The following MDGA2 variants were observed in gnomAD, a reference collection of about 807,000 sequenced individuals.
The protein encoded by MDGA2 is MAM domain containing glycosylphosphatidylinositol anchor 2.
MDGA2 carries 40 observed loss-of-function variants against 117.8 expected under a neutral mutation model. The ratio of observed to expected loss-of-function variants is 0.34; its 90% CI spans 0.26 to 0.44. The LOEUF (loss-of-function observed/expected upper bound fraction) is 0.44, where lower values mean the gene tolerates loss of function less well. Ranked by LOEUF, MDGA2 falls within the 20% of genes least tolerant of loss-of-function variation. The pLI is 1.00. For synonymous variants in MDGA2, 452 were observed against 439.0 expected (o/e 1.03, Z -0.37); for missense variants, 1,123 against 1,250.6 (o/e 0.90, Z 1.54).
At chr14:46,965,550 C>CA (rs1460759719) in intron 8 of MDGA2, among the ~76,000 whole-genome samples, 4 of 152,144 alleles carry the variant, frequency 2.6e-5, no homozygotes, top group South Asian at 2.1e-4. Flanking sequence ...TTCTTCACCG[C>CA]AAAAAAGCTA....
intron 2 of MDGA2, among the ~76,000 whole-genome samples, chr14:47,280,789 A>G (rs1295618545): frequency 6.6e-6 from 1 of 151,852 alleles, no homozygotes; most frequent in East Asian, 1.9e-4. Context: ...TAGTTCCCCT[A>G]TCCTCCCTCT....
At chr14:47,011,342 T>C (rs373082002) in intron 8 of MDGA2, among the ~76,000 whole-genome samples, 4 of 152,024 alleles carry the variant, frequency 2.6e-5, no homozygotes, top group African/African-American at 7.2e-5. Flanking sequence ...CATCACATTA[T>C]TTTCTATGTG....
chr14:46,950,654 A>T (rs1304160070), intron 9 of MDGA2, among the ~76,000 whole-genome samples: 1 of 151,986 alleles, frequency 6.6e-6, no homozygotes, highest in African/African-American at 2.4e-5. Context: ...TTTTAGAGTT[A>T]TCACAATTTT....
intron 1 of MDGA2, among the ~76,000 whole-genome samples, chr14:47,610,138 T>A (rs1896820944): frequency 1.3e-5 from 2 of 152,084 alleles, no homozygotes; most frequent in Admixed American, 6.6e-5. Flanking sequence ...ATTAAAACTC[T>A]CAGCAAAATC....
intron 1 of MDGA2, among the ~76,000 whole-genome samples, chr14:47,632,344 T>G (rs1897257955): frequency 6.6e-6 from 1 of 152,210 alleles, no homozygotes; most frequent in Non-Finnish European, 1.5e-5. Flanking sequence ...AACCAATCAT[T>G]AAGTCTTTTT....
chr14:47,048,945 CT>C (rs1566592424), intron 7 of MDGA2, among the ~76,000 whole-genome samples: 1 of 152,002 alleles, frequency 6.6e-6, no homozygotes, highest in African/African-American at 2.4e-5. Flanking sequence ...CACATAAAAA[CT>C]TATATAATGT....
Position 46,881,025 on chromosome 14 carries a change from C to G in MDGA2, c.2416+1019G>C, listed in dbSNP as rs558895549. ...ACTATCACTAACACACACACACACA[C>G]ACACACACACACACACAAACATTTA... On this transcript the variant is annotated intron_variant, in intron 11 of 16. Transcript: ENST00000399232. Among the ~76,000 whole-genome samples, 970 of 151,532 alleles carry G rather than the reference C, an allele frequency of 6.4e-3. 9 individuals are homozygous for G. The highest frequency in any genetic ancestry group is 0.04 in the South Asian group (193 of 4,768).
At chr14:47,105,822 C>T (rs1268875381) in intron 5 of MDGA2, among the ~76,000 whole-genome samples, 1 of 151,898 alleles carries the variant, frequency 6.6e-6, no homozygotes, top group East Asian at 1.9e-4. Context: ...TTTCTACAGA[C>T]CCATCTGACC....
At chr14:47,377,972 C>A (rs916934988) in intron 1 of MDGA2, among the ~76,000 whole-genome samples, 6 of 152,196 alleles carry the variant, frequency 3.9e-5, no homozygotes, top group African/African-American at 2.4e-5. Flanking sequence ...TAGGGGCCAA[C>A]TGACATCTCA....
chr14:46,918,760 C>CTTTTTTTTTTTTT (rs34958634), intron 10 of MDGA2, among the ~76,000 whole-genome samples: 1 of 124,768 alleles, frequency 8.0e-6, no homozygotes. Flanking sequence ...TACAGTGTAT[C>CTTTTTTTTTTTTT]TTTTTTTTTT....
chr14:47,254,980 T>C (rs1164041815), intron 2 of MDGA2, among the ~76,000 whole-genome samples: 1 of 152,170 alleles, frequency 6.6e-6, no homozygotes, highest in African/African-American at 2.4e-5. Flanking sequence ...ATTTACTGAC[T>C]ATCAGGAAAA....
intron 2 of MDGA2, among the ~76,000 whole-genome samples, chr14:47,271,992 T>C (rs1888160165): frequency 6.6e-6 from 1 of 152,154 alleles, no homozygotes; most frequent in Non-Finnish European, 1.5e-5. Context: ...AACGTTTTGC[T>C]TTTCCTTTAC....
chr14:47,336,736 C>T (rs1200104256), intron 1 of MDGA2, among the ~76,000 whole-genome samples: 2 of 151,942 alleles, frequency 1.3e-5, no homozygotes, highest in Non-Finnish European at 2.9e-5. Context: ...AGATCTCCAT[C>T]ATATCACATG....
At chr14:47,534,911 T>C (rs891237646) in intron 1 of MDGA2, among the ~76,000 whole-genome samples, 1 of 152,202 alleles carries the variant, frequency 6.6e-6, no homozygotes, top group African/African-American at 2.4e-5. Flanking sequence ...ACAGATCCGT[T>C]TGGACACAGC....
chr14:47,553,298 C>A (rs1257293330), intron 1 of MDGA2, among the ~76,000 whole-genome samples: 1 of 152,192 alleles, frequency 6.6e-6, no homozygotes, highest in Non-Finnish European at 1.5e-5. Context: ...GTGTTCGGCA[C>A]AGAATAGATG....
Position 46,938,210 on chromosome 14 carries a change from C to CT in MDGA2, c.2090-18051dup, listed in dbSNP as rs574273412. Among the ~76,000 whole-genome samples, 90 of 151,910 alleles carry CT rather than the reference C, an allele frequency of 5.9e-4. 1 individual carries two copies. The highest frequency in any genetic ancestry group is 3.0e-3 in the Admixed American group (45 of 15,224). On this transcript the variant is annotated intron_variant, in intron 9 of 16. Transcript: ENST00000399232. ...ATATTTGAAAAAATGCTCAACATCA[C>CT]TAATCATCAGGGAAATGCAAATCAG... is the stretch of plus-strand genomic sequence containing the variant.
At chr14:47,000,210 T>C (rs1460654699) in intron 8 of MDGA2, among the ~76,000 whole-genome samples, 2 of 150,122 alleles carry the variant, frequency 1.3e-5, no homozygotes, top group East Asian at 3.9e-4. Flanking sequence ...GACATAATTA[T>C]ATCTATTTAA....
At chr14:47,549,282 A>G (rs1280604213) in intron 1 of MDGA2, among the ~76,000 whole-genome samples, 1 of 151,754 alleles carries the variant, frequency 6.6e-6, no homozygotes, top group Non-Finnish European at 1.5e-5. Context: ...GGATTGTTGC[A>G]GCTTTTTGAG....
intron 1 of MDGA2, among the ~76,000 whole-genome samples, chr14:47,517,762 C>T (rs537234892): frequency 1.8e-3 from 269 of 152,224 alleles, no homozygotes; most frequent in Non-Finnish European, 2.4e-3. Flanking sequence ...TACTTAAATA[C>T]ATGAAACTGA....
Sources: gnomAD v4.1 joint callset for allele counts (sites outside exome capture counted in the v4.1 genomes callset) on GRCh38, gnomAD v4.1.1 for gene constraint, MANE v1.5 for transcripts, NCBI Gene and HGNC (gene_info 2026-07-23, HGNC 2026-07-21) for gene names.